PDE1C: variants seen among roughly 807,000 people sequenced by gnomAD.
PDE1C encodes the protein phosphodiesterase 1C.
In PDE1C, 62 loss-of-function variants were observed where a neutral mutation model predicts 93.1. The observed-to-expected ratio is 0.67, with a 90% CI of 0.54 to 0.82. The LOEUF is 0.82. Among genes scored for constraint, PDE1C ranks in the 40% least tolerant of loss-of-function variants. The probability of loss-of-function intolerance (pLI) is 0.00; values close to 1 mark genes in which losing one functional copy is unlikely to be tolerated. For missense variants in PDE1C, 742 were observed against 884.6 expected, an observed-to-expected ratio of 0.84 and a Z score of 2.04; for synonymous variants, 325 against 310.1, an observed-to-expected ratio of 1.05 and a Z score of -0.50.
chr7:32,306,865 G>A (rs2128903444), intron 1 of PDE1C, among the ~76,000 whole-genome samples: 1 of 152,230 alleles, frequency 6.6e-6, no homozygotes, highest in South Asian at 2.1e-4. Flanking sequence ...TCAGAGAAGG[G>A]AAAGCAACCA....
chr7:31,923,923 C>T lies in PDE1C; in HGVS notation c.129-43063G>A, dbSNP rs190786929. 5.6e-3 allele frequency among the ~76,000 whole-genome samples: 855 copies of T among 152,320 alleles called. 5 individuals are homozygous for T. The highest frequency in any genetic ancestry group is 0.02 in the African/African-American group (824 of 41,574). ...TGCTTATACAAAGATATCCTCTAGA[C>T]ATAGGTGTTATAATTTCTACTTCCT... On this transcript the variant is annotated intron_variant, in intron 2 of 17. Coordinates refer to ENST00000396191, the MANE Select transcript of PDE1C (RefSeq NM_001191057.4).
At chr7:32,186,292 CG>C (rs1157371348) in intron 2 of PDE1C, among the ~76,000 whole-genome samples, 2 of 151,628 alleles carry the variant, frequency 1.3e-5, no homozygotes, top group African/African-American at 4.8e-5. Context: ...TTAGTAGAGA[CG>C]GGGTTTCACC....
At chr7:32,235,672 G>T (rs1808023512) in intron 1 of PDE1C, among the ~76,000 whole-genome samples, 1 of 151,988 alleles carries the variant, frequency 6.6e-6, no homozygotes, top group African/African-American at 2.4e-5. Context: ...TAAAAGGAGA[G>T]ACATATTGTG....
intron 2 of PDE1C, among the ~76,000 whole-genome samples, chr7:31,920,404 C>T (rs1425892266): frequency 2.0e-5 from 3 of 152,198 alleles, no homozygotes; most frequent in Non-Finnish European, 2.9e-5. Flanking sequence ...GAACCAGCTG[C>T]TCCCTGCAAC....
intron 1 of PDE1C, among the ~76,000 whole-genome samples, chr7:32,271,485 C>T (rs748670991): frequency 1.5e-4 from 23 of 151,940 alleles, no homozygotes; most frequent in Admixed American, 4.6e-4. Flanking sequence ...CCCAGGAACA[C>T]GATCATATCC....
At chr7:31,997,707 T>C (rs1563164688) in intron 2 of PDE1C, among the ~76,000 whole-genome samples, 1 of 152,144 alleles carries the variant, frequency 6.6e-6, no homozygotes, top group African/African-American at 2.4e-5. Flanking sequence ...AGCAGTGGGA[T>C]TACCATTATT....
At position 32,355,482 on chromosome 7, in the gene PDE1C, T is replaced by C. The variant is rs371288090; in HGVS notation, c.310+72340A>G. 2.1e-4 allele frequency among the ~76,000 whole-genome samples: 32 copies of C among 152,082 alleles called. No individual in the cohort carries two copies. In the East Asian group the frequency reaches 2.3e-3, roughly 11 times the overall value. On this transcript the variant is annotated intron_variant, in intron 1 of 1. Coordinates refer to the PDE1C transcript ENST00000672256. ...ACTCCTTGGAGTGTTACAGTGCCCC[T>C]CCCTTTTCTGCAATGTGTCCCCCAC...
Position 32,162,945 on chromosome 7 carries a change from T to C in PDE1C, c.308+6840A>G, listed in dbSNP as rs868443378. 3.3e-5 allele frequency among the ~76,000 whole-genome samples: 5 copies of C among 152,254 alleles called. No homozygotes were observed. In the South Asian group the frequency reaches 1.0e-3, roughly 32 times the overall value. On this transcript the variant is annotated intron_variant, in intron 3 of 18. Coordinates refer to the PDE1C transcript ENST00000396193. ...TTTTTAACACTGGAAGATCTGTCTC[T>C]AAAAACTTACAAAGAGAGACCTAAA...
intron 16 of PDE1C, among the ~76,000 whole-genome samples, chr7:31,802,175 T>A (rs184904601): frequency 1.3e-5 from 2 of 151,658 alleles, no homozygotes; most frequent in Non-Finnish European, 3.0e-5. Flanking sequence ...TGTTCTGGAT[T>A]AATTATTTTA....
At chr7:31,923,444 T>C (rs1189770833) in intron 2 of PDE1C, among the ~76,000 whole-genome samples, 2 of 152,192 alleles carry the variant, frequency 1.3e-5, no homozygotes, top group Non-Finnish European at 2.9e-5. Flanking sequence ...GTCTAAGGTA[T>C]AGCCAGAGTT....
At chr7:32,223,238 C>A (rs1489407915) in intron 1 of PDE1C, among the ~76,000 whole-genome samples, 4 of 152,204 alleles carry the variant, frequency 2.6e-5, no homozygotes, top group Non-Finnish European at 4.4e-5. Context: ...GTTTTTCAAG[C>A]CTAGAATGCT....
intron 1 of PDE1C, among the ~76,000 whole-genome samples, chr7:32,271,914 GTCTTGCTTA>G (rs1810992591): frequency 6.6e-6 from 1 of 152,186 alleles, no homozygotes; most frequent in Non-Finnish European, 1.5e-5. Flanking sequence ...AAACTGGGCT[GTCTTGCTTA>G]GGAACTCCTG....
intron 1 of PDE1C, among the ~76,000 whole-genome samples, chr7:32,266,438 T>C (rs1226290168): frequency 6.6e-6 from 1 of 150,778 alleles, no homozygotes; most frequent in African/African-American, 2.4e-5. Context: ...GAGGCAGAGG[T>C]TGTGGTGAGC....
intron 17 of PDE1C, among the ~76,000 whole-genome samples, chr7:31,762,630 A>G (rs1374608540): frequency 6.6e-6 from 1 of 152,140 alleles, no homozygotes; most frequent in Non-Finnish European, 1.5e-5. Flanking sequence ...GTGAGCCACC[A>G]AGCCTGTCCC....
intron 1 of PDE1C, among the ~76,000 whole-genome samples, chr7:32,336,015 A>G (rs1354708751): frequency 6.6e-6 from 1 of 152,172 alleles, no homozygotes; most frequent in Non-Finnish European, 1.5e-5. Context: ...AAGACCCTAT[A>G]TCCAACACAG....
At chr7:31,979,179 T>C (rs1812057779) in intron 2 of PDE1C, among the ~76,000 whole-genome samples, 1 of 152,142 alleles carries the variant, frequency 6.6e-6, no homozygotes, top group Non-Finnish European at 1.5e-5. Flanking sequence ...ATATCATGGG[T>C]AATTGTATGG....
intron 3 of PDE1C, 68 bp from the exon 4 acceptor site, chr7:31,879,246 G>GCTGCTCCTCTCTGCCTCAC: frequency 6.8e-7 from 1 of 1,469,402 alleles, no homozygotes; most frequent in South Asian, 1.2e-5. Context: ...GTTCAAAGCA[G>GCTGCTCCTCTCTGCCTCAC]CTGCTCCTCT....
rs1003543949 is a variant in PDE1C, at chr7:32,286,366, C to T, written c.85+12285G>A. 2.6e-5 allele frequency among the ~76,000 whole-genome samples: 4 copies of T among 152,274 alleles called. No individual in the cohort carries two copies. The South Asian group carries it at 6.2e-4, about 24-fold the overall frequency. On this transcript the variant is annotated intron_variant, in intron 1 of 18. Transcript: ENST00000396193. The stretch of plus-strand genomic sequence containing the variant: ...ATCTCTCCACTTCCCTGGATTAGTG[C>T]GTTAGTTTCCTCATCCGAAAATGAG...
chr7:32,328,427 C>T (rs1264017015), intron 1 of PDE1C, among the ~76,000 whole-genome samples: 7 of 152,186 alleles, frequency 4.6e-5, no homozygotes, highest in Admixed American at 3.3e-4. Flanking sequence ...TCAGAATAAA[C>T]CCAAACTCAG....
Sources: allele counts gnomAD v4.1 joint callset (sites outside exome capture counted in the v4.1 genomes callset), GRCh38; gene constraint gnomAD v4.1.1; transcripts MANE v1.5; gene names NCBI Gene and HGNC (gene_info 2026-07-23, HGNC 2026-07-21).